Variants in CHD1L observed in about 807,000 individuals in gnomAD.
CHD1L encodes the protein ATP-dependent chromatin remodeler CHD1L.
Under a neutral mutation model 115.9 loss-of-function variants are expected in CHD1L, and 118 were observed. That is an observed-to-expected ratio of 1.02 (90% CI 0.88 to 1.19). CHD1L has a LOEUF of 1.19. Among genes scored for constraint, CHD1L ranks in the 50% most tolerant of loss-of-function variants. The pLI, the probability that CHD1L is intolerant of heterozygous loss-of-function variation, is 0.00. For missense variants in CHD1L, 1,179 were observed against 1,065.3 expected (o/e 1.11, Z -1.49); for synonymous variants, 411 against 387.1 (o/e 1.06, Z -0.72).
At chr1:147,235,843 C>A in the CHD1L span, among the ~76,000 whole-genome samples, 2 of 152,150 alleles carry the variant, frequency 1.3e-5, no homozygotes, top group African/African-American at 2.4e-5. Context: ...AATATTGTCA[C>A]GGGATTCTTG....
chr1:147,208,698 C>T, the CHD1L span: 2 of 595,394 alleles, frequency 3.4e-6, no homozygotes, highest in Non-Finnish European at 3.0e-6. Flanking sequence ...CTCCGCCTCC[C>T]AGAGTGCTGG....
In CHD1L at chr1:147,270,983, C is replaced by G; in HGVS notation, c.1137C>G (p.Leu379=). Residue 379 remains leucine, a synonymous_variant, in exon 11 of 23, where the codon CTC becomes CTG. Coordinates refer to ENST00000369258, the MANE Select transcript of CHD1L (RefSeq NM_004284.6). ...AAATGACCCAGATGTTGGATATTCT[C>G]CAAGACTATATGGATTACAGAGGTG... ...FSQMTQMLDI[L]QDYMDYRGYS... 6.2e-7 allele frequency: 1 copy of G among 1,613,918 alleles called. No homozygotes were observed. Among genetic ancestry groups the G allele is most frequent in the South Asian group, 1.1e-5 (1 of 91,064 alleles).
the CHD1L span, among the ~76,000 whole-genome samples, chr1:147,230,985 GT>G: frequency 6.6e-6 from 1 of 151,828 alleles, no homozygotes; most frequent in Non-Finnish European, 1.5e-5. Context: ...TTTTTGAAGG[GT>G]TTTTTGTGTC....
Position 147,287,104 on chromosome 1 carries a change from G to T in CHD1L, c.2222-531G>T, listed in dbSNP as rs587710457. Among the ~76,000 whole-genome samples the T allele has an allele frequency of 7.9e-5, 12 of 152,294 alleles. No individual in the cohort carries two copies. In the South Asian group the frequency reaches 2.3e-3, roughly 29 times the overall value. The stretch of plus-strand genomic sequence containing the variant: ...AAAAAATACACTTATGGCAGCAGGG[G>T]TTTTTTCTTGTTCGCTGCTGTGACT... On this transcript the variant is annotated intron_variant, in intron 18 of 22. Coordinates refer to ENST00000369258, the MANE Select transcript of CHD1L (RefSeq NM_004284.6).
intron 14 of CHD1L, among the ~76,000 whole-genome samples, chr1:147,279,807 T>G (rs2102815982): frequency 6.6e-6 from 1 of 152,262 alleles, no homozygotes; most frequent in Non-Finnish European, 1.5e-5. Flanking sequence ...ATTGTCAAAG[T>G]CAATACCTCT....
chr1:147,294,274 TC>T (rs1412020749), intron 21 of CHD1L, 134 bp from the exon 22 acceptor site: 21 of 505,340 alleles, frequency 4.2e-5, no homozygotes, highest in African/African-American at 4.0e-4. Context: ...CTACAATTCT[TC>T]CCCCGGAATA....
chr1:147,190,189 T>C, the CHD1L span: 4 of 1,608,830 alleles, frequency 2.5e-6, no homozygotes, highest in African/African-American at 2.7e-5. Flanking sequence ...TTTGTCAATT[T>C]CCTCTTGAGC....
upstream of CHD1L, among the ~76,000 whole-genome samples, chr1:147,242,261 T>C (rs950016403): frequency 5.3e-5 from 8 of 152,192 alleles, no homozygotes; most frequent in African/African-American, 1.9e-4. Context: ...TATCACTAGG[T>C]AAACCGAACA....
intron 12 of CHD1L, among the ~76,000 whole-genome samples, chr1:147,274,898 A>T (rs1677733772): frequency 6.6e-6 from 1 of 152,156 alleles, no homozygotes; most frequent in Non-Finnish European, 1.5e-5. Flanking sequence ...TTTATCAGAG[A>T]TCTTGCTACC....
intron 14 of CHD1L, among the ~76,000 whole-genome samples, chr1:147,277,121 T>TAAGAAGTAGGGCAGAGTTTTAGG (rs1553958456): frequency 1.3e-5 from 2 of 152,046 alleles, no homozygotes; most frequent in East Asian, 3.9e-4. Context: ...GAAAGGAAAA[T>TAAGAAGTAGGGCAGAGTTTTAGG]AAGAAGTAGG....
the CHD1L span, among the ~76,000 whole-genome samples, chr1:147,193,726 C>G: frequency 7.9e-5 from 12 of 152,130 alleles, no homozygotes; most frequent in African/African-American, 2.2e-4. Context: ...CCATTGGTTT[C>G]AAAGAACATC....
At chr1:147,278,212 T>C (rs956083598) in intron 14 of CHD1L, among the ~76,000 whole-genome samples, 13 of 139,234 alleles carry the variant, frequency 9.3e-5, no homozygotes, top group Non-Finnish European at 2.0e-4. Flanking sequence ...TGTTTGTTTT[T>C]GTTTTTTGGG....
chr1:147,263,566 T>C (rs1468966552), intron 6 of CHD1L, among the ~76,000 whole-genome samples: 1 of 152,226 alleles, frequency 6.6e-6, no homozygotes, highest in African/African-American at 2.4e-5. Flanking sequence ...TATCTTTTCT[T>C]CTTTTTCCTG....
the CHD1L span, among the ~76,000 whole-genome samples, chr1:147,189,600 C>T: frequency 3.3e-5 from 5 of 152,118 alleles, no homozygotes; most frequent in African/African-American, 4.8e-5. Flanking sequence ...AAACACCCAG[C>T]GATTGAGCTT....
chr1:147,192,968 A>G, the CHD1L span, among the ~76,000 whole-genome samples: 1 of 151,894 alleles, frequency 6.6e-6, no homozygotes, highest in Non-Finnish European at 1.5e-5. Flanking sequence ...TTGGTCTAAA[A>G]TTCTTTTTTG....
chr1:147,213,307 C>A, the CHD1L span: 2 of 1,602,366 alleles, frequency 1.2e-6, no homozygotes, highest in Middle Eastern at 1.7e-4. Context: ...AAGCTGCTCA[C>A]CAGGGAAGCT....
intron 7 of CHD1L, among the ~76,000 whole-genome samples, chr1:147,265,132 T>C (rs1361525940): frequency 3.9e-5 from 6 of 152,038 alleles, no homozygotes; most frequent in Non-Finnish European, 7.4e-5. Context: ...CTGGGATGAT[T>C]TTTCAAAACA....
chr1:147,243,570 C>T (rs1665596060), intron 1 of CHD1L, among the ~76,000 whole-genome samples: 1 of 152,112 alleles, frequency 6.6e-6, no homozygotes, highest in Non-Finnish European at 1.5e-5. Flanking sequence ...CCTGCAGCTC[C>T]GAGACCCCGC....
chr1:147,201,494 G>C, the CHD1L span: 8 of 1,611,916 alleles, frequency 5.0e-6, no homozygotes, highest in Non-Finnish European at 6.8e-6. Flanking sequence ...GTTGGATGCT[G>C]ACTCAGAGCT....
Sources: gnomAD v4.1 joint callset for allele counts (sites outside exome capture counted in the v4.1 genomes callset) on GRCh38, gnomAD v4.1.1 for gene constraint, MANE v1.5 for transcripts, NCBI Gene and HGNC (gene_info 2026-07-23, HGNC 2026-07-21) for gene names.